The following PCDHGA5 variants were observed in gnomAD, a reference collection of about 807,000 sequenced individuals.
PCDHGA5 encodes the protein protocadherin gamma-A5.
PCDHGA5 carries 36 observed loss-of-function variants against 56.7 expected under a neutral mutation model. The ratio of observed to expected loss-of-function variants is 0.64; its 90% CI spans 0.49 to 0.84. The LOEUF (loss-of-function observed/expected upper bound fraction) is 0.84, where lower values mean the gene tolerates loss of function less well. PCDHGA5 is among the 40% of genes least tolerant of loss of function. PCDHGA5 has a pLI of 0.00. For synonymous variants in PCDHGA5, 563 were observed against 520.2 expected, an observed-to-expected ratio of 1.08 and a Z score of -1.12; for missense variants, 1,305 against 1,201.5, an observed-to-expected ratio of 1.09 and a Z score of -1.27.
intron 1 of PCDHGA5, chr5:141,382,835 CG>C: frequency 7.0e-7 from 1 of 1,431,186 alleles, no homozygotes. Context: ...GGGGTCCACC[CG>C]GATACACCCG....
chr5:141,474,412 C>T (rs1282336092), intron 1 of PCDHGA5, among the ~76,000 whole-genome samples: 2 of 152,220 alleles, frequency 1.3e-5, no homozygotes, highest in African/African-American at 2.4e-5. Context: ...CCGGTGATGC[C>T]TAGACCATTG....
At chr5:141,404,161 ATTG>A in intron 1 of PCDHGA5, 1 of 1,613,152 alleles carries the variant, frequency 6.2e-7, no homozygotes, top group South Asian at 1.1e-5. Context: ...ATTATTACAG[ATTG>A]TTGACGGCCC....
chr5:141,412,592 C>T (rs1472116158), intron 1 of PCDHGA5: 1 of 152,048 alleles, frequency 6.6e-6, no homozygotes, highest in African/African-American at 2.4e-5. Context: ...TGAATGTATA[C>T]TAAATAAAAT....
chr5:141,440,931 C>G (rs2098213287), intron 1 of PCDHGA5: 1 of 152,186 alleles, frequency 6.6e-6, no homozygotes, highest in Non-Finnish European at 1.5e-5. Context: ...GTGAGGGCCA[C>G]CAACCAGGAC....
chr5:141,384,510 C>T (rs1038523588), intron 1 of PCDHGA5: 16 of 1,614,028 alleles, frequency 9.9e-6, no homozygotes, highest in African/African-American at 2.7e-5. Flanking sequence ...CACATGACAG[C>T]GGGGACCCGC....
chr5:141,385,571 T>C (rs2090288104), intron 1 of PCDHGA5: 5 of 1,299,428 alleles, frequency 3.8e-6, no homozygotes, highest in Non-Finnish European at 4.9e-6. Context: ...TCCACCTACT[T>C]TCCAATCTAT....
rs2099631185 is a variant in PCDHGA5, at chr5:141,486,568, T to C, written c.2422-8239T>C. Reference sequence around the variant, plus strand: ...AGAGGTCACATGAGGTGTTTGTTCCTGAGAACAATCGCCCAGGGGACCTGC... The same window carrying C: ...AGAGGTCACATGAGGTGTTTGTTCCCGAGAACAATCGCCCAGGGGACCTGC... On this transcript the variant is annotated intron_variant, in intron 1 of 3. Coordinates refer to ENST00000518069, the MANE Select transcript of PCDHGA5 (RefSeq NM_018918.3). The surrounding 1 kb of genome is among the most constrained non-coding windows in gnomAD (Gnocchi z 5.0). 1.9e-6 allele frequency: 3 copies of C among 1,613,862 alleles called. No homozygotes were observed. The South Asian group carries it at 3.3e-5, about 18-fold the overall frequency.
chr5:141,430,910 G>A lies in PCDHGA5; in HGVS notation c.2422-63897G>A. The A allele has an allele frequency of 6.2e-7, 1 of 1,608,040 alleles. No homozygotes were observed. The highest frequency in any genetic ancestry group is 8.5e-7 in the Non-Finnish European group (1 of 1,177,584). On this transcript the variant is annotated intron_variant, in intron 1 of 3. Coordinates refer to ENST00000518069, the MANE Select transcript of PCDHGA5 (RefSeq NM_018918.3). ...CTCTAGGGTGGGCGACATCTCCAGG[G>A]ACCTGGGGCTGGAGCCCCGGGAGCT...
intron 1 of PCDHGA5, among the ~76,000 whole-genome samples, chr5:141,452,416 C>T (rs2098741061): frequency 6.6e-6 from 1 of 152,144 alleles, no homozygotes; most frequent in African/African-American, 2.4e-5. Context: ...GAGGTATGCT[C>T]ACTGCTAATG....
chr5:141,430,534 C>CT (rs962032641), intron 1 of PCDHGA5: 2 of 381,726 alleles, frequency 5.2e-6, no homozygotes, highest in Non-Finnish European at 9.2e-6. Context: ...GGTTAGGACT[C>CT]TGAGCGCCGC....
chr5:141,495,323 G>C (rs1029646773), intron 2 of PCDHGA5, among the ~76,000 whole-genome samples: 2 of 152,214 alleles, frequency 1.3e-5, no homozygotes, highest in African/African-American at 4.8e-5. Context: ...AGCCGAGGCT[G>C]ACTGCAGCCT....
intron 1 of PCDHGA5, chr5:141,419,646 C>T (rs1433992932): frequency 6.2e-7 from 1 of 1,612,470 alleles, no homozygotes; most frequent in Admixed American, 1.7e-5. Flanking sequence ...GCCGTGGACG[C>T]GGACTCGGGG....
At position 141,431,790 on chromosome 5, in the gene PCDHGA5, C is replaced by G; in HGVS notation, c.2422-63017C>G. ...ACTGTTCTGGACGTGAACGACAATG[C>G]CCCAGAAGTGGTCCTCACCTCTCTC... On this transcript the variant is annotated intron_variant, in intron 1 of 3. Coordinates refer to ENST00000518069, the MANE Select transcript of PCDHGA5 (RefSeq NM_018918.3). The surrounding 1 kb of genome is among the most constrained non-coding windows in gnomAD (Gnocchi z 4.8). 1 of 1,614,186 alleles carries G rather than the reference C, an allele frequency of 6.2e-7. No homozygotes were observed. Among genetic ancestry groups the G allele is most frequent in the Non-Finnish European group, 8.5e-7 (1 of 1,180,016 alleles).
rs1561536841 is a variant in PCDHGA5 at position 141,366,197 on chromosome 5, A to G, written c.1867A>G (p.Thr623Ala). 6.2e-7 allele frequency: 1 copy of G among 1,613,780 alleles called. No homozygotes were observed. Residue 623 changes from threonine (T) to alanine (A), a missense_variant, in exon 1 of 4, where the codon ACG becomes GCG. Thr to Ala is a moderately conservative substitution (Grantham distance 58, BLOSUM62 0). Transcript: ENST00000518069. ...EPGLFAVGLH[T>A]GEVRTARALL... Reference sequence around the variant, plus strand: ...AGGACTCTTTGCGGTTGGGCTGCACACGGGCGAGGTGCGCACAGCGCGAGC... The same window carrying G: ...AGGACTCTTTGCGGTTGGGCTGCACGCGGGCGAGGTGCGCACAGCGCGAGC...
intron 1 of PCDHGA5, chr5:141,390,095 TC>T (rs1456939693): frequency 6.2e-7 from 1 of 1,613,972 alleles, no homozygotes; most frequent in Non-Finnish European, 8.5e-7. Context: ...AATCCGTGGT[TC>T]CCCCCAACTA....
chr5:141,496,992 C>T (rs1055856428), intron 2 of PCDHGA5, among the ~76,000 whole-genome samples: 2 of 151,918 alleles, frequency 1.3e-5, no homozygotes, highest in African/African-American at 2.4e-5. Context: ...TTGAGACCAG[C>T]CTGGCAGCCA....
At chr5:141,448,802 A>G (rs897172074) in intron 1 of PCDHGA5, among the ~76,000 whole-genome samples, 14 of 152,044 alleles carry the variant, frequency 9.2e-5, no homozygotes, top group Non-Finnish European at 1.8e-4. Flanking sequence ...AAAATTAGCC[A>G]GGCGTGATGG....
chr5:141,410,224 C>T, intron 1 of PCDHGA5: 2 of 1,614,028 alleles, frequency 1.2e-6, no homozygotes, highest in Non-Finnish European at 8.5e-7. Context: ...TACTGCCAGA[C>T]CTCAGCGACC....
rs560197175 is a variant in PCDHGA5, at chr5:141,434,430, G to A, written c.2422-60377G>A. Among the ~76,000 whole-genome samples the A allele has an allele frequency of 2.4e-4, 36 of 152,326 alleles. 1 individual carries two copies. In the South Asian group the frequency reaches 6.4e-3, roughly 27 times the overall value. On this transcript the variant is annotated intron_variant, in intron 1 of 3. Coordinates refer to ENST00000518069, the MANE Select transcript of PCDHGA5 (RefSeq NM_018918.3). ...GCACTGTGACATGTTCATGATGGCC[G>A]TAATGCCCATGCTGGAAGGTAGTGG...
Sources: allele counts gnomAD v4.1 joint callset (sites outside exome capture counted in the v4.1 genomes callset), GRCh38; gene constraint gnomAD v4.1.1; non-coding constraint Gnocchi (gnomAD v3.1); transcripts MANE v1.5; gene names NCBI Gene and HGNC (gene_info 2026-07-23, HGNC 2026-07-21).